The following GLIPR1L1 variants were observed in gnomAD, a reference collection of about 807,000 sequenced individuals.
The protein encoded by GLIPR1L1 is GLIPR1-like protein 1.
In GLIPR1L1, 26 loss-of-function variants were observed where a neutral mutation model predicts 29.9. The observed-to-expected ratio is 0.87, with a 90% CI of 0.64 to 1.21. GLIPR1L1 has a LOEUF of 1.21. Ranked by LOEUF, GLIPR1L1 falls within the 50% of genes most tolerant of loss-of-function variation. The pLI is 0.00. For missense variants in GLIPR1L1, 305 were observed against 290.3 expected (o/e 1.05, Z -0.37); for synonymous variants, 77 against 97.5 (o/e 0.79, Z 1.24).
At chr12:75,351,822 C>T (rs1020176135) in intron 3 of GLIPR1L1, among the ~76,000 whole-genome samples, 1 of 152,190 alleles carries the variant, frequency 6.6e-6, no homozygotes, top group East Asian at 1.9e-4. Context: ...GCTGGGATTA[C>T]AGGCATGAGC....
chr12:75,367,099 G>C, intron 4 of GLIPR1L1: 2 of 692,072 alleles, frequency 2.9e-6, no homozygotes, highest in Non-Finnish European at 5.3e-6. Context: ...AATTTGGGGA[G>C]AAAACGTAAT....
In GLIPR1L1 at chr12:75,369,974, A is replaced by C. The variant is rs768596138; in HGVS notation, c.625A>C (p.Ile209Leu). The C allele has an allele frequency of 9.2e-7, 1 of 1,084,924 alleles. No homozygotes were observed. Among genetic ancestry groups the C allele is most frequent in the Non-Finnish European group, 1.3e-6 (1 of 752,140 alleles). The allele number at this position is 1,084,924 out of a possible 1,614,324, so 67.2% of individuals were successfully genotyped here. A position where few individuals can be genotyped will look rare whatever the true frequency, so the allele number is the denominator to read the frequency against. ...VKNLCRTPQL[I>L]IPNQNPFLKP... ...TTTTACTTTAGGGACTCCACAACTTATTATACCTAACCGTATGTATCAAAA... is the reference window on the plus strand; with the variant it reads ...TTTTACTTTAGGGACTCCACAACTTCTTATACCTAACCGTATGTATCAAAA... The change falls in exon 5 of 6, where the codon ATT (isoleucine) becomes CTT (leucine). Residue 209 changes from isoleucine (I) to leucine (L), a missense_variant. By Grantham distance (5) the Ile-to-Leu change is conservative. Coordinates refer to ENST00000378695, the MANE Select transcript of GLIPR1L1 (RefSeq NM_001304964.2).
At chr12:75,355,271 G>C (rs928820176) in intron 3 of GLIPR1L1, among the ~76,000 whole-genome samples, 5 of 151,632 alleles carry the variant, frequency 3.3e-5, no homozygotes, top group African/African-American at 7.3e-5. Flanking sequence ...AGGAACTTAA[G>C]TAAACTTACA....
chr12:75,350,809 C>T (rs2042757984), intron 3 of GLIPR1L1, among the ~76,000 whole-genome samples: 1 of 152,202 alleles, frequency 6.6e-6, no homozygotes, highest in African/African-American at 2.4e-5. Flanking sequence ...GATCACAACA[C>T]ATCTCCAGCA....
chr12:75,355,256 C>A (rs1359066181), intron 3 of GLIPR1L1, among the ~76,000 whole-genome samples: 1 of 152,116 alleles, frequency 6.6e-6, no homozygotes, highest in Non-Finnish European at 1.5e-5. Flanking sequence ...TATCCAGAAT[C>A]TACAAGGAAC....
chr12:75,370,248 C>T lies in GLIPR1L1; in HGVS notation c.*72C>T. The T allele has an allele frequency of 1.3e-6, 1 of 791,492 alleles. No homozygotes were observed. Among genetic ancestry groups the T allele is most frequent in the Admixed American group, 2.1e-5 (1 of 48,666 alleles). 49.0% of individuals were successfully genotyped at this position (791,492 alleles called of 1,614,324 possible). ...TAGTTTATTGCTTAATATAACTTAT[C>T]ATCACTTTGCTTCTTTACTGAATCT... On this transcript the variant is annotated 3_prime_UTR_variant, in exon 6 of 6. Coordinates refer to ENST00000378695, the MANE Select transcript of GLIPR1L1 (RefSeq NM_001304964.2).
intron 4 of GLIPR1L1, among the ~76,000 whole-genome samples, chr12:75,365,773 C>A (rs1454252099): frequency 6.6e-6 from 1 of 151,512 alleles, no homozygotes; most frequent in Non-Finnish European, 1.5e-5. Context: ...ATTTTTATAC[C>A]CTATGAATTG....
chr12:75,341,991 C>T (rs752722894), intron 1 of GLIPR1L1, among the ~76,000 whole-genome samples: 4 of 152,168 alleles, frequency 2.6e-5, no homozygotes, highest in Non-Finnish European at 5.9e-5. Flanking sequence ...GATCCACCCG[C>T]CTTGGCCTCC....
intron 3 of GLIPR1L1, among the ~76,000 whole-genome samples, chr12:75,357,187 C>T (rs2043210068): frequency 6.6e-6 from 1 of 152,022 alleles, no homozygotes; most frequent in African/African-American, 2.4e-5. Flanking sequence ...GAGACTCCAT[C>T]GCTAAATAAA....
At chr12:75,366,921 A>G in intron 4 of GLIPR1L1, 1 of 701,808 alleles carries the variant, frequency 1.4e-6, no homozygotes, top group African/African-American at 1.7e-5. Context: ...AAAGGGGTTA[A>G]CCACCCAGAC....
chr12:75,365,714 T>C (rs986244463), intron 4 of GLIPR1L1, among the ~76,000 whole-genome samples: 2 of 152,136 alleles, frequency 1.3e-5, no homozygotes, highest in African/African-American at 4.8e-5. Flanking sequence ...ACCTACAGTA[T>C]TTATAAAAAC....
chr12:75,344,519 T>C (rs931805738), intron 2 of GLIPR1L1, among the ~76,000 whole-genome samples: 3 of 152,182 alleles, frequency 2.0e-5, no homozygotes, highest in Non-Finnish European at 4.4e-5. Context: ...TTCTCTTTCA[T>C]CTAGCTTTTT....
intron 3 of GLIPR1L1, among the ~76,000 whole-genome samples, chr12:75,354,174 G>GGA (rs1555220918): frequency 7.0e-6 from 1 of 142,750 alleles, no homozygotes; most frequent in Non-Finnish European, 1.5e-5. Context: ...AAAGGGGGGG[G>GGA]GGTATTCAAA....
At chr12:75,347,804 A>T (rs1331405908) in intron 3 of GLIPR1L1, 82 bp downstream of exon 3, 2 of 741,104 alleles carry the variant, frequency 2.7e-6, no homozygotes, top group Non-Finnish European at 4.4e-6. Context: ...TATACTAGAC[A>T]CAAGTGTATT....
chr12:75,363,125 C>G lies in GLIPR1L1; in HGVS notation c.545C>G (p.Pro182Arg). 6.4e-7 allele frequency: 1 copy of G among 1,558,284 alleles called. No homozygotes were observed. The highest frequency in any genetic ancestry group is 8.6e-7 in the Non-Finnish European group (1 of 1,159,082). ...GPAGNFANMP[P>R]YVRGESCSLC... is the part of the protein sequence containing the mutation. The stretch of plus-strand genomic sequence containing the variant: ...AGAGGAAATTTTGCAAATATGCCTC[C>G]TTACGTAAGAGGAGAATCTTGCTCT... The change falls in exon 4 of 6, where the codon CCT becomes CGT. Residue 182 changes from proline (P) to arginine (R), a missense_variant. Pro to Arg is a moderately radical substitution (Grantham distance 103). Coordinates refer to ENST00000378695, the MANE Select transcript of GLIPR1L1 (RefSeq NM_001304964.2).
chr12:75,342,227 T>C (rs1461506311), intron 1 of GLIPR1L1, among the ~76,000 whole-genome samples: 1 of 152,190 alleles, frequency 6.6e-6, no homozygotes, highest in East Asian at 1.9e-4. Context: ...CTTCAATTTA[T>C]ACATGTGATA....
chr12:75,344,411 G>C (rs769563240), intron 2 of GLIPR1L1, among the ~76,000 whole-genome samples: 1 of 151,890 alleles, frequency 6.6e-6, no homozygotes, highest in Non-Finnish European at 1.5e-5. Flanking sequence ...TTAGTCTCCT[G>C]TTAATCCCAT....
intron 1 of GLIPR1L1, among the ~76,000 whole-genome samples, chr12:75,341,747 C>CTTTTTTT (rs1185408752): frequency 4.3e-4 from 36 of 83,402 alleles, no homozygotes; most frequent in African/African-American, 1.7e-3. Flanking sequence ...CGCCCGGCCT[C>CTTTTTTT]TTTTTTTTTT....
At chr12:75,343,368 T>C (rs1028318483) in intron 1 of GLIPR1L1, among the ~76,000 whole-genome samples, 3 of 152,050 alleles carry the variant, frequency 2.0e-5, no homozygotes, top group African/African-American at 7.2e-5. Context: ...TTGTAATAAA[T>C]TAACATGACC....
Sources: gnomAD v4.1 joint callset for allele counts (sites outside exome capture counted in the v4.1 genomes callset) on GRCh38, gnomAD v4.1.1 for gene constraint, MANE v1.5 for transcripts, NCBI Gene and HGNC (gene_info 2026-07-23, HGNC 2026-07-21) for gene names.